The following AGTPBP1 variants were observed in gnomAD, a reference collection of about 807,000 sequenced individuals.
AGTPBP1 encodes ATP/GTP binding carboxypeptidase 1.
A neutral mutation model predicts 143.9 loss-of-function variants in AGTPBP1; 70 were observed. The observed-to-expected ratio is 0.49, with a 90% CI of 0.40 to 0.59. The LOEUF is 0.59. Ranked by LOEUF, AGTPBP1 falls within the 20% of genes least tolerant of loss-of-function variation. The probability of loss-of-function intolerance (pLI) is 0.00; values close to 1 mark genes in which losing one functional copy is unlikely to be tolerated. For missense variants in AGTPBP1, 1,229 were observed against 1,464.5 expected (o/e 0.84, Z 2.62); for synonymous variants, 463 against 500.2 (o/e 0.93, Z 0.99).
At chr9:85,623,748 C>G (rs1052172250) in intron 14 of AGTPBP1, among the ~76,000 whole-genome samples, 16 of 147,768 alleles carry the variant, frequency 1.1e-4, no homozygotes, top group African/African-American at 4.1e-4. Flanking sequence ...CAGAGCGAGA[C>G]TCTGTCTCAA....
intron 25 of AGTPBP1, among the ~76,000 whole-genome samples, chr9:85,565,396 G>A (rs1011060898): frequency 5.3e-5 from 8 of 151,944 alleles, no homozygotes; most frequent in Non-Finnish European, 8.8e-5. Context: ...AATTCTGGCA[G>A]GGAAAGATGG....
At chr9:85,769,580 G>A in the AGTPBP1 span, among the ~76,000 whole-genome samples, 15 of 149,962 alleles carry the variant, frequency 1.0e-4, no homozygotes, top group South Asian at 2.1e-3. Context: ...GGGATTCATC[G>A]ATCTTCTCTA....
chr9:85,661,745 T>C (rs1479630853), intron 8 of AGTPBP1, among the ~76,000 whole-genome samples: 2 of 152,162 alleles, frequency 1.3e-5, no homozygotes, highest in Non-Finnish European at 2.9e-5. Flanking sequence ...AAATCGTTTA[T>C]TTTTAATCAG....
chr9:85,610,149 T>C (rs1433397180), intron 17 of AGTPBP1, among the ~76,000 whole-genome samples: 1 of 152,178 alleles, frequency 6.6e-6, no homozygotes, highest in Non-Finnish European at 1.5e-5. Flanking sequence ...CCAAACATGT[T>C]CAATTTATGT....
At position 85,672,435 on chromosome 9, in the gene AGTPBP1, A is replaced by C. The variant is rs529473994; in HGVS notation, c.568+115T>G. 85 of 1,237,966 alleles carry C rather than the reference A, an allele frequency of 6.9e-5. No homozygotes were observed. The South Asian group carries it at 1.1e-3, about 17-fold the overall frequency. 76.7% of individuals were successfully genotyped at this position (1,237,966 alleles called of 1,614,324 possible). A position where few individuals can be genotyped will look rare whatever the true frequency, so the allele number is the denominator to read the frequency against. On this transcript the variant is annotated intron_variant, in intron 7 of 25. Transcript: ENST00000357081. ...TCAAGAGTTAAAATGAGCCATATTA[A>C]ATCTTCTCTTTCCTTTTTCACAAAT...
In AGTPBP1 at chr9:85,572,004, G is replaced by GTTTTTTTTTTTTT. The variant is rs55882437; in HGVS notation, c.3503+3298_3503+3310dup. On this transcript the variant is annotated intron_variant, in intron 25 of 25. Coordinates refer to ENST00000357081, the MANE Select transcript of AGTPBP1 (RefSeq NM_001330701.2). ...TGGCCATTATTAGTTGTTTGTGTGT[G>GTTTTTTTTTTTTT]TTTTTTTTTTTTTTTTTTTTTTTTT... 4.8e-4 allele frequency among the ~76,000 whole-genome samples: 21 copies of GTTTTTTTTTTTTT among 43,478 alleles called. 3 individuals are homozygous for GTTTTTTTTTTTTT. The highest frequency in any genetic ancestry group is 1.1e-3 in the East Asian group (1 of 894). 28.5% of individuals were successfully genotyped at this position (43,478 alleles called of 152,430 possible).
At chr9:85,691,284 A>C (rs79286419) in intron 3 of AGTPBP1, among the ~76,000 whole-genome samples, 1 of 152,098 alleles carries the variant, frequency 6.6e-6, no homozygotes, top group Admixed American at 6.6e-5. Context: ...CATGGGCTAC[A>C]TGGGAGGAAG....
intron 1 of AGTPBP1, among the ~76,000 whole-genome samples, chr9:85,715,566 T>A (rs1403290798): frequency 6.6e-6 from 1 of 152,160 alleles, no homozygotes; most frequent in East Asian, 1.9e-4. Flanking sequence ...TGGCAAATAA[T>A]CTTCACTAAA....
chr9:85,641,195 C>T (rs754936160), intron 13 of AGTPBP1, among the ~76,000 whole-genome samples: 25 of 152,096 alleles, frequency 1.6e-4, no homozygotes, highest in Admixed American at 6.6e-4. Context: ...GGGGGCCTAC[C>T]GTATATATTT....
chr9:85,792,445 G>C, the AGTPBP1 span, among the ~76,000 whole-genome samples: 1 of 152,190 alleles, frequency 6.6e-6, no homozygotes, highest in Admixed American at 6.5e-5. Context: ...ACCTGGGAGG[G>C]TTGGACAGCA....
intron 17 of AGTPBP1, among the ~76,000 whole-genome samples, chr9:85,616,235 G>A (rs1444363054): frequency 6.6e-6 from 1 of 151,896 alleles, no homozygotes; most frequent in Non-Finnish European, 1.5e-5. Flanking sequence ...TTTGGAAAGT[G>A]TGATATACAT....
chr9:85,609,885 A>G (rs1830212490), intron 17 of AGTPBP1, among the ~76,000 whole-genome samples: 1 of 152,236 alleles, frequency 6.6e-6, no homozygotes, highest in Non-Finnish European at 1.5e-5. Context: ...AGAAGGAACA[A>G]GATATTTAGA....
chr9:85,784,454 C>T, the AGTPBP1 span, among the ~76,000 whole-genome samples: 1 of 152,052 alleles, frequency 6.6e-6, no homozygotes, highest in African/African-American at 2.4e-5. Context: ...GTTGCCCAGG[C>T]TGGAGTGTAG....
At chr9:85,790,437 T>C in the AGTPBP1 span, among the ~76,000 whole-genome samples, 1 of 152,208 alleles carries the variant, frequency 6.6e-6, no homozygotes, top group African/African-American at 2.4e-5. Context: ...TTCCCTGGAA[T>C]GTACTGCATA....
At chr9:85,793,754 T>C in the AGTPBP1 span, among the ~76,000 whole-genome samples, 4 of 152,206 alleles carry the variant, frequency 2.6e-5, no homozygotes, top group African/African-American at 9.6e-5. Context: ...TATGTGAGTT[T>C]AGTTGGCCCT....
chr9:85,650,366 T>G (rs1833083829), intron 11 of AGTPBP1, among the ~76,000 whole-genome samples: 1 of 152,056 alleles, frequency 6.6e-6, no homozygotes, highest in African/African-American at 2.4e-5. Context: ...CTCCTCAGTC[T>G]ATTCAATGTG....
chr9:85,785,187 AGCCGG>A, the AGTPBP1 span, among the ~76,000 whole-genome samples: 1 of 152,158 alleles, frequency 6.6e-6, no homozygotes, highest in African/African-American at 2.4e-5. Flanking sequence ...ACAAAAAATT[AGCCGG>A]GCGTGGTGGC....
chr9:85,618,269 A>T (rs1038055657), intron 17 of AGTPBP1, among the ~76,000 whole-genome samples: 1 of 152,024 alleles, frequency 6.6e-6, no homozygotes, highest in Non-Finnish European at 1.5e-5. Flanking sequence ...AGTTTAAAAG[A>T]CTATCAAGAA....
intron 25 of AGTPBP1, among the ~76,000 whole-genome samples, chr9:85,551,235 C>T (rs1826023219): frequency 6.6e-6 from 1 of 152,126 alleles, no homozygotes; most frequent in South Asian, 2.1e-4. Context: ...TTTATAAGTA[C>T]CCAGTTGCTA....
Sources: allele counts gnomAD v4.1 joint callset (sites outside exome capture counted in the v4.1 genomes callset), GRCh38; gene constraint gnomAD v4.1.1; transcripts MANE v1.5; gene names NCBI Gene and HGNC (gene_info 2026-07-23, HGNC 2026-07-21).